Variants in COL26A1 observed in about 807,000 individuals in gnomAD.
COL26A1 encodes collagen type XXVI alpha 1 chain.
Under a neutral mutation model 59.3 loss-of-function variants are expected in COL26A1, and 41 were observed. The ratio of observed to expected loss-of-function variants is 0.69; its 90% CI spans 0.54 to 0.90. The LOEUF is 0.90. Ranked by LOEUF, COL26A1 falls within the 40% of genes least tolerant of loss-of-function variation. The pLI is 0.00. For missense variants in COL26A1, 612 were observed against 602.3 expected, an observed-to-expected ratio of 1.02 and a Z score of -0.17; for synonymous variants, 266 against 256.0, an observed-to-expected ratio of 1.04 and a Z score of -0.37.
Position 101,545,473 on chromosome 7 carries a change from C to T in COL26A1, c.839C>T (p.Pro280Leu), listed in dbSNP as rs371036537. 373 of 1,607,128 alleles carry T rather than the reference C, an allele frequency of 2.3e-4. No homozygotes were observed. The highest frequency in any genetic ancestry group is 3.0e-4 in the Non-Finnish European group (351 of 1,177,364). Residue 280 changes from proline to leucine, a missense_variant, in exon 7 of 13, where the codon CCG (proline) becomes CTG (leucine). Pro to Leu is a moderately conservative substitution (Grantham distance 98). Coordinates refer to ENST00000313669, the MANE Select transcript of COL26A1 (RefSeq NM_001278563.3). ...SPQGALYSLQ[P>L]PTDKDNGDSR... ...CAGGGCGCCCTCTACTCCCTGCAGC[C>T]GCCTACAGACAAAGACAGTGAGTAA...
intron 1 of COL26A1, among the ~76,000 whole-genome samples, chr7:101,381,144 C>T (rs1275756454): frequency 6.6e-6 from 1 of 152,234 alleles, no homozygotes; most frequent in African/African-American, 2.4e-5. Flanking sequence ...ATAGCTCTCA[C>T]TGGGCTAAAA....
At chr7:101,432,806 G>A (rs149392676) in intron 2 of COL26A1, among the ~76,000 whole-genome samples, 8 of 151,992 alleles carry the variant, frequency 5.3e-5, no homozygotes, top group Admixed American at 3.3e-4. Context: ...GGGTTCAACC[G>A]ATTCTCCTAC....
intron 2 of COL26A1, among the ~76,000 whole-genome samples, chr7:101,434,083 TCCC>T (rs1792849231): frequency 3.5e-5 from 1 of 28,572 alleles, no homozygotes; most frequent in African/African-American, 8.7e-5. Context: ...CCTCCCTCCC[TCCC>T]TCCCTCTTTC....
At chr7:101,379,388 C>T (rs1422159026) in intron 1 of COL26A1, among the ~76,000 whole-genome samples, 3 of 152,134 alleles carry the variant, frequency 2.0e-5, no homozygotes, top group Non-Finnish European at 4.4e-5. Context: ...GAGGGAGCCC[C>T]GTCCTGGCTC....
At chr7:101,384,551 G>A (rs1328474013) in intron 1 of COL26A1, among the ~76,000 whole-genome samples, 3 of 151,964 alleles carry the variant, frequency 2.0e-5, no homozygotes, top group Non-Finnish European at 2.9e-5. Flanking sequence ...GACCTCCTGG[G>A]CTCAAGCAAT....
chr7:101,510,631 C>T (rs1794901854), intron 3 of COL26A1, among the ~76,000 whole-genome samples: 1 of 152,202 alleles, frequency 6.6e-6, no homozygotes, highest in Non-Finnish European at 1.5e-5. Context: ...CCTCAGCTTC[C>T]CATGTAGCTG....
At chr7:101,397,477 T>TTCTCCTTTCCTTC (rs1554405165) in intron 1 of COL26A1, among the ~76,000 whole-genome samples, 5 of 140,922 alleles carry the variant, frequency 3.5e-5, no homozygotes, top group African/African-American at 8.6e-5. Flanking sequence ...CCTTCCTTCC[T>TTCTCCTTTCCTTC]TCCTTCTCCT....
chr7:101,427,995 A>G (rs1212946296), intron 2 of COL26A1, among the ~76,000 whole-genome samples: 1 of 152,088 alleles, frequency 6.6e-6, no homozygotes, highest in East Asian at 1.9e-4. Context: ...TTCTTTTGCT[A>G]TTTTACACAT....
intron 3 of COL26A1, among the ~76,000 whole-genome samples, chr7:101,495,813 G>A (rs1794573346): frequency 6.6e-6 from 1 of 151,362 alleles, no homozygotes; most frequent in Non-Finnish European, 1.5e-5. Flanking sequence ...GTGGCTCAAG[G>A]CCGGGCGCAG....
At chr7:101,477,461 CT>C (rs1433599470) in intron 3 of COL26A1, among the ~76,000 whole-genome samples, 1 of 152,162 alleles carries the variant, frequency 6.6e-6, no homozygotes, top group Non-Finnish European at 1.5e-5. Flanking sequence ...CTGGTTGGAT[CT>C]GCCTGAGAAA....
chr7:101,489,793 T>C (rs1156615596), intron 3 of COL26A1, among the ~76,000 whole-genome samples: 1 of 1,766 alleles, frequency 5.7e-4, no homozygotes. Flanking sequence ...TTTCTTTCTT[T>C]CTTTCTTTCT....
intron 2 of COL26A1, among the ~76,000 whole-genome samples, chr7:101,439,602 G>C (rs1272820635): frequency 6.7e-6 from 1 of 149,252 alleles, no homozygotes; most frequent in Non-Finnish European, 1.5e-5. Flanking sequence ...AGATTTGTGA[G>C]AAGACCAGTG....
At chr7:101,372,239 C>T (rs1791212344) in intron 1 of COL26A1, among the ~76,000 whole-genome samples, 1 of 151,644 alleles carries the variant, frequency 6.6e-6, no homozygotes, top group East Asian at 1.9e-4. Flanking sequence ...GATCTTGGCT[C>T]ACTGCAACCT....
rs565791265 is a variant in COL26A1, at chr7:101,374,794, G to A, written c.158+11604G>A. On this transcript the variant is annotated intron_variant, in intron 1 of 12. Coordinates refer to ENST00000313669, the MANE Select transcript of COL26A1 (RefSeq NM_001278563.3). ...GCACAGGCCAGACACGGTGGCTCACGCCTGTAATCCCAACACTTTGGGAGG... is the reference window on the plus strand; with the variant it reads ...GCACAGGCCAGACACGGTGGCTCACACCTGTAATCCCAACACTTTGGGAGG... Among the ~76,000 whole-genome samples the A allele has an allele frequency of 8.5e-5, 13 of 152,208 alleles. No homozygotes were observed. In the South Asian group the frequency reaches 1.2e-3, roughly 15 times the overall value.
chr7:101,548,389 CAT>C lies in COL26A1; in HGVS notation c.941-781_941-780del, dbSNP rs562844782. Among the ~76,000 whole-genome samples the C allele has an allele frequency of 2.6e-5, 4 of 152,336 alleles. No individual in the cohort carries two copies. The East Asian group carries it at 7.7e-4, about 29-fold the overall frequency. On this transcript the variant is annotated intron_variant, in intron 8 of 12. Transcript: ENST00000313669. ...TCTCCCTCCCTGAGCTGGGCACACA[CAT>C]GAGACCCAGCCCGGCCCTCTGGGTA...
intron 1 of COL26A1, among the ~76,000 whole-genome samples, chr7:101,400,230 C>T (rs1208746662): frequency 6.6e-6 from 1 of 152,074 alleles, no homozygotes; most frequent in South Asian, 2.1e-4. Flanking sequence ...AGGCATGGCT[C>T]AGCCTAGGGC....
At chr7:101,396,405 CCT>C (rs1791856024) in intron 1 of COL26A1, among the ~76,000 whole-genome samples, 1 of 152,134 alleles carries the variant, frequency 6.6e-6, no homozygotes, top group African/African-American at 2.4e-5. Flanking sequence ...CTTCCCAGCC[CCT>C]GACTGACTAC....
At position 101,447,703 on chromosome 7, in the gene COL26A1, C is replaced by T. The variant is rs1793232874; in HGVS notation, c.301C>T (p.Pro101Ser). 2.5e-6 allele frequency: 4 copies of T among 1,601,608 alleles called. No individual in the cohort carries two copies. Among genetic ancestry groups the T allele is most frequent in the Non-Finnish European group, 2.6e-6 (3 of 1,174,042 alleles). The change falls in exon 3 of 13, where the codon CCC (proline) becomes TCC (serine). Residue 101 changes from proline (P) to serine (S), a missense_variant. Physicochemically the swap from Pro to Ser is moderately conservative, Grantham distance 74 (BLOSUM62 -1). Coordinates refer to ENST00000313669, the MANE Select transcript of COL26A1 (RefSeq NM_001278563.3). ...NLVSYRTLIRPTYRVSYRTVT... is the reference protein window; with the variant it reads ...NLVSYRTLIRSTYRVSYRTVT... ...TGTTAGTTACAGGACTCTGATCAGA[C>T]CCACCTACAGAGTGTCCTACCGCAC...
intron 3 of COL26A1, among the ~76,000 whole-genome samples, chr7:101,522,226 C>T (rs1795154307): frequency 1.3e-5 from 2 of 152,178 alleles, no homozygotes; most frequent in Non-Finnish European, 2.9e-5. Flanking sequence ...CTCCAGGAAG[C>T]CTTCCTTGAC....
Sources: allele counts gnomAD v4.1 joint callset (sites outside exome capture counted in the v4.1 genomes callset), GRCh38; gene constraint gnomAD v4.1.1; transcripts MANE v1.5; gene names NCBI Gene and HGNC (gene_info 2026-07-23, HGNC 2026-07-21).